The following RAB3C variants were observed in gnomAD, a reference collection of about 807,000 sequenced individuals.
RAB3C encodes the protein RAB3C, member RAS oncogene family, also known as ras-related protein Rab-3C.
RAB3C carries 17 observed loss-of-function variants against 26.4 expected under a neutral mutation model. The observed-to-expected ratio is 0.64, with a 90% CI of 0.44 to 0.97. The LOEUF is 0.97. Among genes scored for constraint, RAB3C ranks in the 50% least tolerant of loss-of-function variants. RAB3C has a pLI of 0.00. For synonymous variants in RAB3C, 91 were observed against 95.9 expected (o/e 0.95, Z 0.30); for missense variants, 242 against 281.9 (o/e 0.86, Z 1.01).
intron 2 of RAB3C, among the ~76,000 whole-genome samples, chr5:58,673,483 CA>C (rs1748164436): frequency 6.9e-6 from 1 of 144,552 alleles, no homozygotes. Flanking sequence ...CACACACACA[CA>C]CACATACAAT....
At chr5:58,723,817 C>T (rs996469815) in intron 2 of RAB3C, among the ~76,000 whole-genome samples, 1 of 151,704 alleles carries the variant, frequency 6.6e-6, no homozygotes, top group African/African-American at 2.4e-5. Flanking sequence ...ATAAGAGAGT[C>T]CAGATTGATG....
intron 2 of RAB3C, among the ~76,000 whole-genome samples, chr5:58,639,941 TG>T (rs1747378553): frequency 6.6e-6 from 1 of 152,258 alleles, no homozygotes; most frequent in Non-Finnish European, 1.5e-5. Context: ...TTCATTGTCA[TG>T]AATTCCTAAC....
chr5:58,589,772 T>C (rs2111654684), intron 1 of RAB3C, among the ~76,000 whole-genome samples: 1 of 152,290 alleles, frequency 6.6e-6, no homozygotes, highest in South Asian at 2.1e-4. Context: ...ATAGGGAGAT[T>C]AACCTGCATT....
chr5:58,597,286 C>T (rs1435900653), intron 1 of RAB3C, among the ~76,000 whole-genome samples: 1 of 6,122 alleles, frequency 1.6e-4, no homozygotes, highest in African/African-American at 3.8e-4. Context: ...ATATATACTA[C>T]ACAATATATA....
At chr5:58,630,221 G>T (rs73759514) in intron 2 of RAB3C, among the ~76,000 whole-genome samples, 5,452 of 152,264 alleles carry the variant, frequency 0.036, 187 homozygotes, top group African/African-American at 0.092. Context: ...TATTTGCCTT[G>T]CAGGCAAAAT....
At chr5:58,698,593 T>G (rs1748769047) in intron 2 of RAB3C, among the ~76,000 whole-genome samples, 1 of 152,228 alleles carries the variant, frequency 6.6e-6, no homozygotes, top group Non-Finnish European at 1.5e-5. Context: ...TTTCACATAG[T>G]CCCATATTTC....
At chr5:58,669,299 TG>T (rs1482282055) in intron 2 of RAB3C, among the ~76,000 whole-genome samples, 1 of 152,188 alleles carries the variant, frequency 6.6e-6, no homozygotes, top group African/African-American at 2.4e-5. Flanking sequence ...TGGTCACATA[TG>T]GTATCATTTC....
intron 3 of RAB3C, among the ~76,000 whole-genome samples, chr5:58,824,751 T>G (rs1014029568): frequency 5.9e-5 from 9 of 151,996 alleles, no homozygotes; most frequent in Admixed American, 2.0e-4. Context: ...TTACATAAGG[T>G]GGGGTAAAAG....
chr5:58,823,022 T>G, intron 3 of RAB3C: 1 of 610,698 alleles, frequency 1.6e-6, no homozygotes, highest in Non-Finnish European at 3.1e-6. Flanking sequence ...TAAAGGCTGT[T>G]CTGTCCCTCA....
chr5:58,777,751 C>G (rs1742179908), intron 3 of RAB3C, among the ~76,000 whole-genome samples: 3 of 149,076 alleles, frequency 2.0e-5, no homozygotes, highest in South Asian at 4.5e-4. Flanking sequence ...TCCCCTCCCC[C>G]CACCCCATGA....
At chr5:58,666,213 G>T (rs1187296967) in intron 2 of RAB3C, among the ~76,000 whole-genome samples, 1 of 152,116 alleles carries the variant, frequency 6.6e-6, no homozygotes, top group Non-Finnish European at 1.5e-5. Flanking sequence ...TCAGGAAATT[G>T]GCACAACACA....
intron 3 of RAB3C, among the ~76,000 whole-genome samples, chr5:58,786,858 T>C (rs1579917980): frequency 6.6e-6 from 1 of 150,584 alleles, no homozygotes; most frequent in Non-Finnish European, 1.5e-5. Flanking sequence ...GCCCCCCGCA[T>C]AGGAAAGTTC....
At chr5:58,622,954 A>C (rs1363731298) in intron 2 of RAB3C, among the ~76,000 whole-genome samples, 2 of 152,214 alleles carry the variant, frequency 1.3e-5, no homozygotes, top group African/African-American at 4.8e-5. Flanking sequence ...TAAATTCCAC[A>C]TATTTTAATT....
chr5:58,605,279 C>T (rs1216377664), intron 1 of RAB3C, among the ~76,000 whole-genome samples: 2 of 152,074 alleles, frequency 1.3e-5, no homozygotes, highest in African/African-American at 4.8e-5. Context: ...CAGTGCAAGC[C>T]TCCATACACT....
chr5:58,677,500 A>G (rs1368619122), intron 2 of RAB3C, among the ~76,000 whole-genome samples: 2 of 152,248 alleles, frequency 1.3e-5, no homozygotes, highest in African/African-American at 2.4e-5. Flanking sequence ...GACAGGGGGA[A>G]GAATGCACAT....
chr5:58,747,838 A>T (rs1204299604), intron 3 of RAB3C, among the ~76,000 whole-genome samples: 1 of 152,004 alleles, frequency 6.6e-6, no homozygotes, highest in African/African-American at 2.4e-5. Context: ...AAGGGGAAAA[A>T]TACCTGGGGT....
rs911979372 is a variant in RAB3C at position 58,855,752 on chromosome 5, T to C, written c.*4401T>C. The C allele has an allele frequency of 1.3e-5, 2 of 152,190 alleles. No individual in the cohort carries two copies. Among genetic ancestry groups the C allele is most frequent in the East Asian group, 3.9e-4 (2 of 5,194 alleles). 9.4% of individuals were successfully genotyped at this position (152,190 alleles called of 1,614,324 possible). A position where few individuals can be genotyped will look rare whatever the true frequency, so the allele number is the denominator to read the frequency against. On this transcript the variant is annotated 3_prime_UTR_variant, in exon 5 of 5. Transcript: ENST00000282878. ...TATCATGGAATTTACTGGGCCAAAT[T>C]AAGTAAAAGATGAAGTTTATGACCA...
chr5:58,594,716 A>G (rs528925658), intron 1 of RAB3C, among the ~76,000 whole-genome samples: 8 of 152,212 alleles, frequency 5.3e-5, no homozygotes, highest in African/African-American at 1.4e-4. Flanking sequence ...ACCAATATTT[A>G]TAGCAAATCT....
intron 3 of RAB3C, among the ~76,000 whole-genome samples, chr5:58,731,534 T>A (rs1741020074): frequency 6.6e-6 from 1 of 152,094 alleles, no homozygotes; most frequent in African/African-American, 2.4e-5. Flanking sequence ...AATAGTTTAT[T>A]GGGACATACA....
Sources: gnomAD v4.1 joint callset for allele counts (sites outside exome capture counted in the v4.1 genomes callset) on GRCh38, gnomAD v4.1.1 for gene constraint, MANE v1.5 for transcripts, NCBI Gene and HGNC (gene_info 2026-07-23, HGNC 2026-07-21) for gene names.